Variants in RBM24 observed in about 807,000 individuals in gnomAD.
RBM24 encodes the protein RNA-binding protein 24.
Under a neutral mutation model 23.6 loss-of-function variants are expected in RBM24, and 5 were observed. That is an observed-to-expected ratio of 0.21 (90% confidence interval 0.11 to 0.45). The LOEUF is 0.45. Ranked by LOEUF, RBM24 falls within the 20% of genes least tolerant of loss-of-function variation. The pLI is 0.99. For synonymous variants in RBM24, 151 were observed against 129.5 expected (o/e 1.17, Z -1.13); for missense variants, 252 against 314.6 (o/e 0.80, Z 1.51).
chr6:17,282,942 G>A lies in RBM24; in HGVS notation c.292+14G>A, dbSNP rs1447303362. The A allele has an allele frequency of 3.1e-6, 5 of 1,592,640 alleles. No individual in the cohort carries two copies. The highest frequency in any genetic ancestry group is 3.4e-6 in the Non-Finnish European group (4 of 1,160,778). ...TCATGCAACCAGGTGAGAAATGTCT[G>A]TCTCCCCTACCCCCCTCTCCAAGAA... is the stretch of plus-strand genomic sequence containing the variant. On this transcript the variant is annotated intron_variant, in intron 2 of 3. Transcript: ENST00000379052.
chr6:17,289,066 A>G, intron 3 of RBM24: 2 of 985,338 alleles, frequency 2.0e-6, no homozygotes. Flanking sequence ...AATGTAGTAA[A>G]TTTTCTTTGA....
In RBM24 at chr6:17,281,834, C is replaced by T; in HGVS notation, c.168+85C>T. On this transcript the variant is annotated intron_variant, in intron 1 of 3. Transcript: ENST00000379052. This position sits in a 1 kb window ranked among gnomAD's most constrained non-coding sequence, Gnocchi z 7.1. ...CGGGAGCTTGGAGTGAGGGGCTCGGCGTGACCCGTGAGGAGCCCCGCGGGT... is the reference window on the plus strand; with the variant it reads ...CGGGAGCTTGGAGTGAGGGGCTCGGTGTGACCCGTGAGGAGCCCCGCGGGT... The T allele has an allele frequency of 1.3e-6, 2 of 1,495,722 alleles. No individual in the cohort carries two copies. Among genetic ancestry groups the T allele is most frequent in the South Asian group, 1.2e-5 (1 of 82,362 alleles). 92.7% of individuals were successfully genotyped at this position (1,495,722 alleles called of 1,614,324 possible).
rs1384736897 is a variant in RBM24, at chr6:17,288,605, C to T, written c.348-3151C>T. ...AAAGCAAATTTCTGAAACCTCTACA[C>T]GTAGTGAGTGCTAGAGCTAGGGTGA... On this transcript the variant is annotated intron_variant, in intron 3 of 3. Coordinates refer to ENST00000379052, the MANE Select transcript of RBM24 (RefSeq NM_001143942.2). 9 of 985,354 alleles carry T rather than the reference C, an allele frequency of 9.1e-6. No individual in the cohort carries two copies. In the East Asian group the frequency reaches 5.7e-4, roughly 62 times the overall value. The allele number at this position is 985,354 out of a possible 1,614,324, so 61.0% of individuals were successfully genotyped here.
At position 17,292,116 on chromosome 6, in the gene RBM24, A is replaced by G. The variant is rs761249849; in HGVS notation, c.708A>G (p.Gln236=). 5.3e-6 allele frequency: 8 copies of G among 1,515,370 alleles called. No homozygotes were observed. Among genetic ancestry groups the G allele is most frequent in the Admixed American group, 2.1e-5 (1 of 46,932 alleles). The allele number at this position is 1,515,370 out of a possible 1,614,324, so 93.9% of individuals were successfully genotyped here. The change falls in exon 4 of 4, where the codon CAA becomes CAG. Residue 236 remains glutamine, a synonymous_variant. Transcript: ENST00000379052. ...AGCAGCTGCAGACAGACCGAATGCAATAGACCAGCCATCTGATCAAAGTTG... is the reference window on the plus strand; with the variant it reads ...AGCAGCTGCAGACAGACCGAATGCAGTAGACCAGCCATCTGATCAAAGTTG... ...QPQQLQTDRM[Q]
At chr6:17,283,540 C>T (rs999033134) in intron 2 of RBM24, among the ~76,000 whole-genome samples, 1 of 152,138 alleles carries the variant, frequency 6.6e-6, no homozygotes, top group Middle Eastern at 3.2e-3. Flanking sequence ...GCCTCAGCCT[C>T]CCAAGTAGCT....
intron 3 of RBM24, chr6:17,288,631 G>A (rs1352736097): frequency 1.0e-6 from 1 of 985,336 alleles, no homozygotes; most frequent in Non-Finnish European, 1.2e-6. Flanking sequence ...GCTAGGGTGA[G>A]TGGGATTTGG....
At chr6:17,290,905 C>T (rs1258170874) in intron 3 of RBM24, 35 of 1,284,772 alleles carry the variant, frequency 2.7e-5, no homozygotes, top group Non-Finnish European at 3.3e-5. Context: ...TTTGGTTGAC[C>T]GTTGTGTCCT....
At chr6:17,282,705 T>G in intron 1 of RBM24, 100 bp from the exon 2 acceptor site, 2 of 1,463,010 alleles carry the variant, frequency 1.4e-6, no homozygotes, top group Non-Finnish European at 1.8e-6. Flanking sequence ...AAGTTTGATC[T>G]CAGTTTTATC....
chr6:17,289,122 C>T, intron 3 of RBM24: 2 of 985,358 alleles, frequency 2.0e-6, no homozygotes, highest in Non-Finnish European at 2.4e-6. Context: ...TTTGTAACTG[C>T]TAGGCATGCA....
rs769149453 is a variant in RBM24, at chr6:17,281,725, G to T, written c.144G>T (p.Thr48=). The T allele has an allele frequency of 9.0e-6, 14 of 1,551,494 alleles. No individual in the cohort carries two copies. Among genetic ancestry groups the T allele is most frequent in the Non-Finnish European group, 1.2e-5 (14 of 1,147,106 alleles). The change falls in exon 1 of 4, where the codon ACG becomes ACT. Residue 48 remains threonine, a synonymous_variant. Coordinates refer to ENST00000379052, the MANE Select transcript of RBM24 (RefSeq NM_001143942.2). This position sits in a 1 kb window ranked among gnomAD's most constrained non-coding sequence, Gnocchi z 7.1. ...CGGTGGTCATCACCGACCGGCAGAC[G>T]GGCAAGTCCCGGGGCTATGGATTTG... ...EEAVVITDRQ[T]GKSRGYGFVT... is the part of the protein sequence containing the mutation.
In RBM24 at chr6:17,291,802, G is replaced by A; in HGVS notation, c.394G>A (p.Val132Met). 1 of 1,614,122 alleles carries A rather than the reference G, an allele frequency of 6.2e-7. No homozygotes were observed. Among genetic ancestry groups the A allele is most frequent in the Non-Finnish European group, 8.5e-7 (1 of 1,179,998 alleles). The change falls in exon 4 of 4, where the codon GTG becomes ATG. Residue 132 changes from valine to methionine, a missense_variant. Physicochemically the swap from Val to Met is conservative, Grantham distance 21. Transcript: ENST00000379052. ...TCCGCAGGCTTTTGTGCAGCCGGGA[G>A]TGGTCATTCCACACGTCCAGCCGAC... ...VYPQAFVQPG[V>M]VIPHVQPTAA...
chr6:17,290,697 CAA>C (rs1192796854), intron 3 of RBM24, among the ~76,000 whole-genome samples: 4 of 152,246 alleles, frequency 2.6e-5, no homozygotes, highest in African/African-American at 4.8e-5. Flanking sequence ...GAGGATGAAA[CAA>C]GAGTTAGTAG....
chr6:17,288,586 A>C, intron 3 of RBM24: 1 of 985,434 alleles, frequency 1.0e-6, no homozygotes, highest in Non-Finnish European at 1.2e-6. Flanking sequence ...CGATAAAGCA[A>C]ATTTCTGAAA....
At chr6:17,284,786 G>A in intron 3 of RBM24, 75 bp downstream of exon 3, 2 of 1,075,734 alleles carry the variant, frequency 1.9e-6, no homozygotes, top group Non-Finnish European at 2.8e-6. Context: ...GTTATATACA[G>A]ATAAGATCAT....
intron 2 of RBM24, among the ~76,000 whole-genome samples, chr6:17,283,970 CAA>C (rs1561733825): frequency 1.6e-4 from 24 of 152,112 alleles, no homozygotes; most frequent in Middle Eastern, 3.2e-3. Context: ...GATTTTTAAG[CAA>C]ATATAATATT....
intron 3 of RBM24, among the ~76,000 whole-genome samples, chr6:17,285,761 C>G (rs755244990): frequency 6.6e-6 from 1 of 152,032 alleles, no homozygotes; most frequent in Non-Finnish European, 1.5e-5. Context: ...CTGTGATTAC[C>G]AGTTTTCCTG....
chr6:17,288,295 T>C (rs1760255523), intron 3 of RBM24: 2 of 985,304 alleles, frequency 2.0e-6, no homozygotes, highest in Admixed American at 1.2e-4. Context: ...GGGCTGTCCA[T>C]GTGGCTTCAG....
At chr6:17,289,901 C>A (rs902052882) in intron 3 of RBM24, 1 of 1,263,298 alleles carries the variant, frequency 7.9e-7, no homozygotes, top group Admixed American at 2.4e-5. Flanking sequence ...TTCATAAAGC[C>A]ACACCTGTTG....
intron 1 of RBM24, chr6:17,282,240 A>G (rs1238773589): frequency 1.5e-6 from 2 of 1,290,800 alleles, no homozygotes; most frequent in Non-Finnish European, 2.0e-6. Flanking sequence ...TTAAATCATG[A>G]TCCTAGGGCT....
Sources: allele counts gnomAD v4.1 joint callset (sites outside exome capture counted in the v4.1 genomes callset), GRCh38; gene constraint gnomAD v4.1.1; non-coding constraint Gnocchi (gnomAD v3.1); transcripts MANE v1.5; gene names NCBI Gene and HGNC (gene_info 2026-07-23, HGNC 2026-07-21).